Variants in HS6ST3 observed in about 807,000 individuals in gnomAD.
HS6ST3 encodes heparan-sulfate 6-O-sulfotransferase 3.
In HS6ST3, 12 loss-of-function variants were observed where a neutral mutation model predicts 36.7. That is an observed-to-expected ratio of 0.33 (90% CI 0.21 to 0.53). The LOEUF (loss-of-function observed/expected upper bound fraction) is 0.53. Among genes scored for constraint, HS6ST3 ranks in the 20% least tolerant of loss-of-function variants. The pLI is 0.95. For missense variants in HS6ST3, 584 were observed against 640.9 expected (o/e 0.91, Z 0.96); for synonymous variants, 240 against 257.5 (o/e 0.93, Z 0.65).
intron 1 of HS6ST3, among the ~76,000 whole-genome samples, chr13:96,208,825 C>T (rs1430799098): frequency 2.0e-5 from 3 of 152,066 alleles, no homozygotes; most frequent in African/African-American, 7.2e-5. Flanking sequence ...TTTTTGTTTA[C>T]CCTCATTTAT....
At chr13:96,265,389 A>G (rs1313101645) in intron 1 of HS6ST3, among the ~76,000 whole-genome samples, 2 of 151,936 alleles carry the variant, frequency 1.3e-5, no homozygotes, top group African/African-American at 4.8e-5. Context: ...TATGTTTCCC[A>G]TGCTGGTCTC....
At chr13:96,829,118 T>C (rs1303221885) in intron 1 of HS6ST3, among the ~76,000 whole-genome samples, 1 of 152,170 alleles carries the variant, frequency 6.6e-6, no homozygotes, top group East Asian at 1.9e-4. Flanking sequence ...TCTTTTTCCT[T>C]TTCTCTCTTA....
chr13:96,164,696 G>A (rs367645051), intron 1 of HS6ST3, among the ~76,000 whole-genome samples: 22 of 152,124 alleles, frequency 1.4e-4, no homozygotes, highest in African/African-American at 5.3e-4. Flanking sequence ...AACTTTCCAT[G>A]CACAGAAGAA....
At chr13:96,457,938 C>T (rs1298283654) in intron 1 of HS6ST3, among the ~76,000 whole-genome samples, 1 of 151,928 alleles carries the variant, frequency 6.6e-6, no homozygotes, top group East Asian at 1.9e-4. Flanking sequence ...GGCTAAGAGT[C>T]TATACTACTG....
intron 1 of HS6ST3, among the ~76,000 whole-genome samples, chr13:96,308,205 C>T (rs940557680): frequency 3.3e-5 from 5 of 152,150 alleles, no homozygotes; most frequent in African/African-American, 1.2e-4. Flanking sequence ...CACCATTAGA[C>T]ATTACGTTAA....
At chr13:96,641,868 T>G (rs1176510769) in intron 1 of HS6ST3, among the ~76,000 whole-genome samples, 1 of 151,878 alleles carries the variant, frequency 6.6e-6, no homozygotes, top group Non-Finnish European at 1.5e-5. Context: ...AACACAAACT[T>G]ATAGGTATTT....
At chr13:96,141,797 A>G (rs1482555632) in intron 1 of HS6ST3, among the ~76,000 whole-genome samples, 1 of 152,172 alleles carries the variant, frequency 6.6e-6, no homozygotes, top group African/African-American at 2.4e-5. Context: ...CATTACACAC[A>G]GTACTCTATG....
intron 1 of HS6ST3, among the ~76,000 whole-genome samples, chr13:96,168,557 T>A (rs1594701983): frequency 1.3e-5 from 2 of 151,694 alleles, no homozygotes; most frequent in Non-Finnish European, 2.9e-5. Context: ...AATTAAAAAA[T>A]TAGCCAGAAG....
chr13:96,186,658 T>G (rs116215563), intron 1 of HS6ST3, among the ~76,000 whole-genome samples: 4 of 152,300 alleles, frequency 2.6e-5, no homozygotes, highest in Non-Finnish European at 5.9e-5. Flanking sequence ...TTTTCTATTA[T>G]TTTTGACTCT....
At chr13:96,150,996 G>A (rs1253347536) in intron 1 of HS6ST3, among the ~76,000 whole-genome samples, 2 of 152,192 alleles carry the variant, frequency 1.3e-5, no homozygotes, top group Non-Finnish European at 2.9e-5. Flanking sequence ...CATGTAGGTT[G>A]TTTGAAAACA....
intron 1 of HS6ST3, among the ~76,000 whole-genome samples, chr13:96,786,751 CA>C (rs1166829196): frequency 6.6e-6 from 1 of 152,038 alleles, no homozygotes; most frequent in East Asian, 1.9e-4. Flanking sequence ...TTTATATAGT[CA>C]AATTGACCTT....
chr13:96,808,603 G>C (rs1485285094), intron 1 of HS6ST3, among the ~76,000 whole-genome samples: 1 of 152,138 alleles, frequency 6.6e-6, no homozygotes, highest in Non-Finnish European at 1.5e-5. Context: ...AGAGTTAGGG[G>C]CTGTTTAGTT....
Position 96,463,515 on chromosome 13 carries a change from T to C in HS6ST3, c.708-368975T>C, listed in dbSNP as rs574008740. Among the ~76,000 whole-genome samples the C allele has an allele frequency of 7.2e-5, 11 of 152,290 alleles. No individual in the cohort carries two copies. In the East Asian group the frequency reaches 1.5e-3, roughly 21 times the overall value. On this transcript the variant is annotated intron_variant, in intron 1 of 1. Transcript: ENST00000376705. ...ATGTTTAGAGGAAAATATAGGATTA[T>C]GTTTTTATGACCACAGGGTAGAAAA... is the stretch of plus-strand genomic sequence containing the variant.
intron 1 of HS6ST3, among the ~76,000 whole-genome samples, chr13:96,174,416 T>C (rs181695420): frequency 6.6e-6 from 1 of 152,304 alleles, no homozygotes; most frequent in African/African-American, 2.4e-5. Context: ...AATTTATTTA[T>C]TGAGATGGGG....
intron 1 of HS6ST3, among the ~76,000 whole-genome samples, chr13:96,149,512 A>G (rs115743998): frequency 0.016 from 2,392 of 152,324 alleles, 54 homozygotes; most frequent in African/African-American, 0.055. Flanking sequence ...AAGTGAGAAA[A>G]GCCAAGTTGT....
chr13:96,803,984 GA>G lies in HS6ST3; in HGVS notation c.708-28504del, dbSNP rs1017667408. On this transcript the variant is annotated intron_variant, in intron 1 of 1. Transcript: ENST00000376705. ...GCCCTCAACAGCCTGCAGCTTATCTGAAGGAAAAGCCTTTCGGTCCCATCTC... is the reference window on the plus strand; with the variant it reads ...GCCCTCAACAGCCTGCAGCTTATCTGAGGAAAAGCCTTTCGGTCCCATCTC... 1.4e-4 allele frequency among the ~76,000 whole-genome samples: 21 copies of G among 152,226 alleles called. 1 individual carries two copies. The highest frequency in any genetic ancestry group is 4.8e-4 in the African/African-American group (20 of 41,542).
At chr13:96,700,136 A>C (rs556982812) in intron 1 of HS6ST3, among the ~76,000 whole-genome samples, 2 of 152,282 alleles carry the variant, frequency 1.3e-5, no homozygotes, top group African/African-American at 4.8e-5. Context: ...ATGAAGACAA[A>C]CCTGAGACTG....
intron 1 of HS6ST3, among the ~76,000 whole-genome samples, chr13:96,185,256 A>G (rs976975882): frequency 7.9e-5 from 12 of 152,348 alleles, no homozygotes; most frequent in African/African-American, 2.9e-4. Flanking sequence ...AATTGAGGTA[A>G]TAACACTTGT....
chr13:96,642,597 T>C (rs2056574171), intron 1 of HS6ST3, among the ~76,000 whole-genome samples: 1 of 151,956 alleles, frequency 6.6e-6, no homozygotes, highest in South Asian at 2.1e-4. Flanking sequence ...TTCTGTTTCC[T>C]ACCTAGATAA....
Sources: allele counts gnomAD v4.1 joint callset (sites outside exome capture counted in the v4.1 genomes callset), GRCh38; gene constraint gnomAD v4.1.1; transcripts MANE v1.5; gene names NCBI Gene and HGNC (gene_info 2026-07-23, HGNC 2026-07-21).